Variants in CDKAL1 observed in about 807,000 individuals in gnomAD.
The protein encoded by CDKAL1 is CDKAL1 threonylcarbamoyladenosine tRNA methylthiotransferase.
In CDKAL1, 32 loss-of-function variants were observed where a neutral mutation model predicts 68.2. The observed-to-expected ratio is 0.47, with a 90% confidence interval of 0.35 to 0.63. CDKAL1 has a LOEUF of 0.63. CDKAL1 is among the 30% of genes least tolerant of loss of function. The pLI is 0.00. For missense variants in CDKAL1, 606 were observed against 696.7 expected, an observed-to-expected ratio of 0.87 and a Z score of 1.47; for synonymous variants, 234 against 244.3, an observed-to-expected ratio of 0.96 and a Z score of 0.39.
At chr6:20,655,666 T>G (rs1167587093) in intron 5 of CDKAL1, among the ~76,000 whole-genome samples, 1 of 152,000 alleles carries the variant, frequency 6.6e-6, no homozygotes, top group Non-Finnish European at 1.5e-5. Flanking sequence ...TGACCTGAGG[T>G]GGAACAGTTT....
intron 4 of CDKAL1, among the ~76,000 whole-genome samples, chr6:20,551,149 G>GGCCTC: frequency 6.6e-6 from 1 of 152,072 alleles, no homozygotes; most frequent in South Asian, 2.1e-4. Context: ...ACAGGCGTGA[G>GGCCTC]CCACTGTGCT....
chr6:20,777,689 A>G (rs566298544), intron 7 of CDKAL1, among the ~76,000 whole-genome samples: 5 of 152,298 alleles, frequency 3.3e-5, no homozygotes, highest in Admixed American at 2.6e-4. Flanking sequence ...TTAGCTTTAC[A>G]TGAGTCTCCC....
At chr6:21,195,487 T>C (rs1778432243) in intron 13 of CDKAL1, among the ~76,000 whole-genome samples, 1 of 109,574 alleles carries the variant, frequency 9.1e-6, no homozygotes, top group African/African-American at 2.9e-5. Flanking sequence ...TTTTATTTAT[T>C]TATTTATTTA....
In CDKAL1 at chr6:21,070,399, C is replaced by CTTTT. The variant is rs57391327; in HGVS notation, c.1236+5178_1236+5181dup. 5.1e-3 allele frequency among the ~76,000 whole-genome samples: 706 copies of CTTTT among 139,274 alleles called. 10 individuals are homozygous for CTTTT. The highest frequency in any genetic ancestry group is 0.013 in the African/African-American group (485 of 37,806). 91.4% of individuals were successfully genotyped at this position (139,274 alleles called of 152,430 possible). ...TGGGCTTTTTTCTTTTTGTTTCTCT[C>CTTTT]TTTTTTTTTTGGCTCAGTTTTCTCA... On this transcript the variant is annotated intron_variant, in intron 12 of 15. Coordinates refer to ENST00000274695, the MANE Select transcript of CDKAL1 (RefSeq NM_017774.3).
intron 5 of CDKAL1, among the ~76,000 whole-genome samples, chr6:20,652,070 T>G (rs1477741541): frequency 6.6e-6 from 1 of 152,204 alleles, no homozygotes; most frequent in East Asian, 1.9e-4. Context: ...CCTCATAAAA[T>G]GAGTTAGGAA....
At chr6:20,906,139 A>G (rs768576224) in intron 9 of CDKAL1, among the ~76,000 whole-genome samples, 1 of 152,238 alleles carries the variant, frequency 6.6e-6, no homozygotes, top group Non-Finnish European at 1.5e-5. Flanking sequence ...TTTTTTAAAA[A>G]GGCGATTGTT....
intron 9 of CDKAL1, among the ~76,000 whole-genome samples, chr6:20,945,672 G>T (rs1047822496): frequency 1.3e-5 from 2 of 152,086 alleles, no homozygotes; most frequent in Admixed American, 6.5e-5. Flanking sequence ...AGAATCTGGG[G>T]CACAGTAGTA....
At chr6:20,866,888 G>A (rs978988651) in intron 9 of CDKAL1, among the ~76,000 whole-genome samples, 1 of 152,136 alleles carries the variant, frequency 6.6e-6, no homozygotes, top group African/African-American at 2.4e-5. Flanking sequence ...AAACATGCTT[G>A]GACATGTTTC....
chr6:21,069,323 A>G (rs955406944), intron 12 of CDKAL1, among the ~76,000 whole-genome samples: 1 of 152,048 alleles, frequency 6.6e-6, no homozygotes, highest in Non-Finnish European at 1.5e-5. Context: ...TTCTATTCCT[A>G]TTTTTCCCTG....
intron 5 of CDKAL1, among the ~76,000 whole-genome samples, chr6:20,709,055 G>C (rs2127827462): frequency 6.6e-6 from 1 of 152,118 alleles, no homozygotes; most frequent in Non-Finnish European, 1.5e-5. Context: ...AGCTCCAAGG[G>C]CAGGGGTTCT....
chr6:20,633,342 C>T (rs1031072283), intron 4 of CDKAL1, among the ~76,000 whole-genome samples: 11 of 152,142 alleles, frequency 7.2e-5, no homozygotes, highest in African/African-American at 1.4e-4. Context: ...TTTCAAGATT[C>T]GCCTATGTTG....
intron 10 of CDKAL1, among the ~76,000 whole-genome samples, chr6:20,996,436 C>G (rs568018389): frequency 6.6e-6 from 1 of 152,316 alleles, no homozygotes; most frequent in East Asian, 1.9e-4. Flanking sequence ...CTTTTCCATC[C>G]ACTTGAATAT....
intron 5 of CDKAL1, among the ~76,000 whole-genome samples, chr6:20,732,931 C>T (rs1457136085): frequency 6.6e-6 from 1 of 152,170 alleles, no homozygotes; most frequent in Non-Finnish European, 1.5e-5. Context: ...CTCATTTCTT[C>T]CCCTTAAAAT....
chr6:20,776,587 G>A (rs1004571578), intron 7 of CDKAL1, among the ~76,000 whole-genome samples: 3 of 152,150 alleles, frequency 2.0e-5, no homozygotes, highest in Non-Finnish European at 2.9e-5. Context: ...AGAGCTGTAC[G>A]AATTATGTAT....
chr6:21,144,771 C>T (rs559786349), intron 13 of CDKAL1, among the ~76,000 whole-genome samples: 2 of 152,002 alleles, frequency 1.3e-5, no homozygotes, highest in Non-Finnish European at 2.9e-5. Context: ...CCTTTGCACT[C>T]CAGCCTGGGT....
rs375918802 is a variant in CDKAL1 at position 20,577,110 on chromosome 6, C to T, written c.286+28405C>T. Reference sequence around the variant, plus strand: ...GTTCCACATTTCCCTTCGTTGTTGGCGACCTAACCTTGGTGACCGCAAGCG... The same window carrying T: ...GTTCCACATTTCCCTTCGTTGTTGGTGACCTAACCTTGGTGACCGCAAGCG... On this transcript the variant is annotated intron_variant, in intron 4 of 15. Coordinates refer to ENST00000274695, the MANE Select transcript of CDKAL1 (RefSeq NM_017774.3). 5.9e-5 allele frequency among the ~76,000 whole-genome samples: 9 copies of T among 152,204 alleles called. No individual in the cohort carries two copies. The South Asian group carries it at 6.2e-4, about 11-fold the overall frequency.
intron 9 of CDKAL1, among the ~76,000 whole-genome samples, chr6:20,847,431 T>C (rs1353294806): frequency 6.6e-6 from 1 of 152,230 alleles, no homozygotes; most frequent in Admixed American, 6.5e-5. Flanking sequence ...TTTCCATGTA[T>C]CTGTCAGATA....
At chr6:21,130,617 C>A (rs999624175) in intron 13 of CDKAL1, among the ~76,000 whole-genome samples, 1 of 152,174 alleles carries the variant, frequency 6.6e-6, no homozygotes, top group African/African-American at 2.4e-5. Flanking sequence ...ATACAGATGG[C>A]AGGGGAAGTT....
At chr6:21,145,446 A>G (rs1221800714) in intron 13 of CDKAL1, among the ~76,000 whole-genome samples, 1 of 152,154 alleles carries the variant, frequency 6.6e-6, no homozygotes, top group Non-Finnish European at 1.5e-5. Flanking sequence ...AGAATTCTCT[A>G]GTAACCCCTA....
Sources: allele counts gnomAD v4.1 joint callset (sites outside exome capture counted in the v4.1 genomes callset), GRCh38; gene constraint gnomAD v4.1.1; transcripts MANE v1.5; gene names NCBI Gene and HGNC (gene_info 2026-07-23, HGNC 2026-07-21).